GRB10: variants seen among roughly 807,000 people sequenced by gnomAD.
GRB10 encodes growth factor receptor-bound protein 10.
A neutral mutation model predicts 80.9 loss-of-function variants in GRB10; 20 were observed. That is an observed-to-expected ratio of 0.25 (90% confidence interval 0.17 to 0.36). The LOEUF is 0.36. GRB10 is among the 10% of genes least tolerant of loss of function. The pLI is 1.00. For synonymous variants in GRB10, 291 were observed against 291.5 expected (o/e 1.00, Z 0.02); for missense variants, 548 against 747.7 (o/e 0.73, Z 3.12).
rs527265048 is a variant in GRB10 at position 50,600,869 on chromosome 7, C to T, written c.1544+3129G>A. ...GTGATACTTCACAATATTACATAGG[C>T]CCTGCCCTTCCACCCCACAGCCCCA... On this transcript the variant is annotated intron_variant, in intron 17 of 18. Transcript: ENST00000401949. 2.2e-4 allele frequency among the ~76,000 whole-genome samples: 33 copies of T among 152,278 alleles called. No homozygotes were observed. In the South Asian group the frequency reaches 6.4e-3, roughly 30 times the overall value.
intron 13 of GRB10, among the ~76,000 whole-genome samples, chr7:50,610,051 A>G (rs2049231677): frequency 6.6e-6 from 1 of 152,206 alleles, no homozygotes; most frequent in Non-Finnish European, 1.5e-5. Flanking sequence ...TTTGTAGTAG[A>G]TGGTAAAAGG....
intron 3 of GRB10, among the ~76,000 whole-genome samples, chr7:50,754,157 A>G (rs550713952): frequency 6.6e-6 from 1 of 152,310 alleles, no homozygotes; most frequent in Admixed American, 6.5e-5. Context: ...CACCTGCCTG[A>G]TGGTTCAGGC....
At chr7:50,664,140 C>A (rs2153631475) in intron 7 of GRB10, among the ~76,000 whole-genome samples, 1 of 152,352 alleles carries the variant, frequency 6.6e-6, no homozygotes, top group Non-Finnish European at 1.5e-5. Context: ...CGAGGAGCTA[C>A]TTCTGCCCTG....
At chr7:50,751,552 A>G (rs1452018160) in intron 3 of GRB10, among the ~76,000 whole-genome samples, 2 of 152,248 alleles carry the variant, frequency 1.3e-5, no homozygotes. Flanking sequence ...GAGAAAACAG[A>G]CCAGTGAAAG....
Position 50,616,231 on chromosome 7 carries a change from G to A in GRB10, c.963C>T (p.Cys321=), listed in dbSNP as rs1203863826. ...YVCLRRSGLY[C]STKGTSKEPR... is the part of the protein sequence containing the mutation. ...TCACCTTTGAAGTTCCCTTGGTGGAGCAATAAAGGCCAGATCTCCGCAAAC... is the reference window on the plus strand; with the variant it reads ...TCACCTTTGAAGTTCCCTTGGTGGAACAATAAAGGCCAGATCTCCGCAAAC... The change falls in exon 11 of 19, where the codon TGC becomes TGT. Residue 321 remains cysteine (C), a synonymous_variant. Coordinates refer to ENST00000401949, the MANE Select transcript of GRB10 (RefSeq NM_001350814.2). 5 of 1,614,210 alleles carry A rather than the reference G, an allele frequency of 3.1e-6. No homozygotes were observed. Among genetic ancestry groups the A allele is most frequent in the Non-Finnish European group, 4.2e-6 (5 of 1,180,032 alleles).
chr7:50,710,316 G>C (rs542552220), intron 4 of GRB10, among the ~76,000 whole-genome samples: 1 of 152,082 alleles, frequency 6.6e-6, no homozygotes, highest in Non-Finnish European at 1.5e-5. Context: ...GGACAAGAAT[G>C]CTCCACCACC....
chr7:50,712,096 G>T (rs1181855546), intron 4 of GRB10, among the ~76,000 whole-genome samples: 2 of 149,406 alleles, frequency 1.3e-5, no homozygotes, highest in Admixed American at 6.7e-5. Flanking sequence ...GAAAAAGGCT[G>T]AAAAAAAAAA....
At chr7:50,689,349 T>G (rs2062501019) in intron 5 of GRB10, among the ~76,000 whole-genome samples, 1 of 152,240 alleles carries the variant, frequency 6.6e-6, no homozygotes, top group Non-Finnish European at 1.5e-5. Context: ...TCCACAAAGA[T>G]GGGAAGGTTA....
At chr7:50,695,605 G>A (rs577046529) in intron 5 of GRB10, among the ~76,000 whole-genome samples, 5 of 152,226 alleles carry the variant, frequency 3.3e-5, no homozygotes, top group South Asian at 2.1e-4. Flanking sequence ...GCTGGACTCC[G>A]TGAGTTCTAA....
In GRB10 at chr7:50,710,423, C is replaced by T. The variant is rs751414653; in HGVS notation, c.52-6515G>A. On this transcript the variant is annotated intron_variant, in intron 4 of 18. Transcript: ENST00000401949. ...CCCCTACCACCAGTCATTGGCGTTC[C>T]GTTTCAACTAGAGCATCAAATGCAC... 2.0e-5 allele frequency among the ~76,000 whole-genome samples: 3 copies of T among 152,184 alleles called. 1 individual carries two copies. The highest frequency in any genetic ancestry group is 4.1e-4 in the South Asian group (2 of 4,828).
chr7:50,782,253 G>C lies in GRB10; in HGVS notation c.-327+171C>G, dbSNP rs935950388. Among the ~76,000 whole-genome samples the C allele has an allele frequency of 1.3e-5, 2 of 151,762 alleles. No individual in the cohort carries two copies. The highest frequency in any genetic ancestry group is 2.4e-5 in the African/African-American group (1 of 41,408). ...GGATCTCGGACTGCAGCGAGCCCGC[G>C]GCAGGCGGGCAGGGGGCCGCGCGGC... On this transcript the variant is annotated intron_variant, in intron 1 of 18. Coordinates refer to ENST00000401949, the MANE Select transcript of GRB10 (RefSeq NM_001350814.2). This position sits in a 1 kb window ranked among gnomAD's most constrained non-coding sequence, Gnocchi z 6.6.
chr7:50,678,956 G>A (rs1173060746), intron 5 of GRB10, among the ~76,000 whole-genome samples: 4 of 152,168 alleles, frequency 2.6e-5, no homozygotes, highest in African/African-American at 4.8e-5. Flanking sequence ...TTAACTTGAC[G>A]CCAAAATATT....
chr7:50,628,044 C>T lies in GRB10; in HGVS notation c.505-1066G>A, dbSNP rs150681283. ...TCTCCCACTCCCATACGACAAGACC[C>T]GGACTTGGGGGTGAGGACGCCAACC... On this transcript the variant is annotated intron_variant, in intron 7 of 18. Coordinates refer to ENST00000401949, the MANE Select transcript of GRB10 (RefSeq NM_001350814.2). 2.2e-3 allele frequency among the ~76,000 whole-genome samples: 330 copies of T among 152,300 alleles called. 3 individuals carry two copies. Among genetic ancestry groups the T allele is most frequent in the African/African-American group, 7.3e-3 (303 of 41,554 alleles).
intron 3 of GRB10, among the ~76,000 whole-genome samples, chr7:50,753,134 G>C (rs1441381325): frequency 6.6e-6 from 1 of 152,180 alleles, no homozygotes; most frequent in African/African-American, 2.4e-5. Context: ...TAGGGTCTGG[G>C]ATTCCCACCT....
At position 50,595,446 on chromosome 7, in the gene GRB10, C is replaced by T. The variant is rs747113863; in HGVS notation, c.1629G>A (p.Gln543=). ...LCHHQKIKNF[Q]ILPCEDDGQT... ...GAACATCAATACTTACAGGTAAGATCTGGAAATTTTTAATTTTCTGGTGAT... is the reference window on the plus strand; with the variant it reads ...GAACATCAATACTTACAGGTAAGATTTGGAAATTTTTAATTTTCTGGTGAT... The change falls in exon 18 of 19, where the codon CAG becomes CAA. Residue 543 remains glutamine (Q), a synonymous_variant. Coordinates refer to ENST00000401949, the MANE Select transcript of GRB10 (RefSeq NM_001350814.2). The T allele has an allele frequency of 9.6e-6, 15 of 1,561,006 alleles. No individual in the cohort carries two copies. Among genetic ancestry groups the T allele is most frequent in the Non-Finnish European group, 1.3e-5 (15 of 1,131,770 alleles).
chr7:50,623,145 A>T (rs569178570), intron 8 of GRB10, among the ~76,000 whole-genome samples: 2 of 152,302 alleles, frequency 1.3e-5, no homozygotes, highest in East Asian at 3.9e-4. Context: ...TGGCAGCCTC[A>T]GCTGGACTTA....
intron 2 of GRB10, among the ~76,000 whole-genome samples, chr7:50,759,339 G>C (rs1013728833): frequency 6.6e-6 from 1 of 152,096 alleles, no homozygotes; most frequent in Non-Finnish European, 1.5e-5. Flanking sequence ...CCACAGAAGC[G>C]GGCAGCAGAT....
chr7:50,618,969 C>T (rs2051150290), intron 9 of GRB10, among the ~76,000 whole-genome samples: 1 of 152,220 alleles, frequency 6.6e-6, no homozygotes, highest in Non-Finnish European at 1.5e-5. Flanking sequence ...CCTCTACCTT[C>T]AGCCAGTCCC....
chr7:50,732,770 G>A lies in GRB10; in HGVS notation c.-46-402C>T, dbSNP rs961497576. On this transcript the variant is annotated intron_variant, in intron 3 of 18. Transcript: ENST00000401949. ...GACAAATTCCAAAGAAGCCCAGAAGGGGTTGTGTGTGTGTGTTTGGGGACA... is the reference window on the plus strand; with the variant it reads ...GACAAATTCCAAAGAAGCCCAGAAGAGGTTGTGTGTGTGTGTTTGGGGACA... Among the ~76,000 whole-genome samples, 4 of 152,142 alleles carry A rather than the reference G, an allele frequency of 2.6e-5. No individual in the cohort carries two copies. In the East Asian group the frequency reaches 7.7e-4, roughly 29 times the overall value.
Sources: allele counts gnomAD v4.1 joint callset (sites outside exome capture counted in the v4.1 genomes callset), GRCh38; gene constraint gnomAD v4.1.1; non-coding constraint Gnocchi (gnomAD v3.1); transcripts MANE v1.5; gene names NCBI Gene and HGNC (gene_info 2026-07-23, HGNC 2026-07-21).